Variants in MDGA2 observed in about 807,000 individuals in gnomAD.
MDGA2 encodes the protein MAM domain containing glycosylphosphatidylinositol anchor 2.
A neutral mutation model predicts 117.8 loss-of-function variants in MDGA2; 40 were observed. That is an observed-to-expected ratio of 0.34 (90% CI 0.26 to 0.44). The LOEUF is 0.44. MDGA2 is among the 20% of genes least tolerant of loss of function. The pLI, the probability that MDGA2 is intolerant of heterozygous loss-of-function variation, is 1.00. For synonymous variants in MDGA2, 452 were observed against 439.0 expected (o/e 1.03, Z -0.37); for missense variants, 1,123 against 1,250.6 (o/e 0.90, Z 1.54).
At chr14:47,631,289 T>C (rs1897245882) in intron 1 of MDGA2, among the ~76,000 whole-genome samples, 1 of 152,206 alleles carries the variant, frequency 6.6e-6, no homozygotes, top group African/African-American at 2.4e-5. Flanking sequence ...AGATGCTATG[T>C]AATGGACACT....
At position 47,035,314 on chromosome 14, in the gene MDGA2, G is replaced by A. The variant is rs757767640; in HGVS notation, c.1526-10C>T. 1.9e-6 allele frequency: 3 copies of A among 1,597,716 alleles called. No individual in the cohort carries two copies. On this transcript the variant is annotated splice_polypyrimidine_tract_variant and intron_variant, in intron 7 of 16. Coordinates refer to ENST00000399232, the MANE Select transcript of MDGA2 (RefSeq NM_001113498.3). Reference sequence around the variant, plus strand: ...GTCAGATTGGGTGGAACTTGAAATGGGAAAAAGAAAATTTTTCAAGGTTAG... The same window carrying A: ...GTCAGATTGGGTGGAACTTGAAATGAGAAAAAGAAAATTTTTCAAGGTTAG...
chr14:47,143,337 A>T (rs1324729304), intron 4 of MDGA2, among the ~76,000 whole-genome samples: 3 of 151,836 alleles, frequency 2.0e-5, no homozygotes, highest in Non-Finnish European at 4.4e-5. Context: ...ATTTGTCCAA[A>T]TTTTTTTTTA....
intron 8 of MDGA2, among the ~76,000 whole-genome samples, chr14:46,989,204 C>A (rs1886983685): frequency 6.6e-6 from 1 of 152,058 alleles, no homozygotes; most frequent in Middle Eastern, 3.4e-3. Flanking sequence ...TAGTTTTCCC[C>A]AATTCTGCTA....
chr14:46,936,729 C>A (rs1884794379), intron 9 of MDGA2, among the ~76,000 whole-genome samples: 1 of 150,908 alleles, frequency 6.6e-6, no homozygotes, highest in African/African-American at 2.4e-5. Context: ...AACATTCCTT[C>A]ATAAAAAAAA....
rs922090803 is a variant in MDGA2, at chr14:46,884,859, T to C, written c.2239-2638A>G. Among the ~76,000 whole-genome samples, 5 of 152,030 alleles carry C rather than the reference T, an allele frequency of 3.3e-5. No individual in the cohort carries two copies. The highest frequency in any genetic ancestry group is 4.4e-5 in the Non-Finnish European group (3 of 68,000). On this transcript the variant is annotated intron_variant, in intron 10 of 16. Coordinates refer to ENST00000399232, the MANE Select transcript of MDGA2 (RefSeq NM_001113498.3). The surrounding 1 kb of genome is among the most constrained non-coding windows in gnomAD (Gnocchi z 4.1). ...GTAATACATTACTTTCTTTTTTGTT[T>C]TTTTTCTGAGACAGTCTCGCTCTGT...
At chr14:47,087,417 T>C (rs1566616295) in intron 6 of MDGA2, among the ~76,000 whole-genome samples, 1 of 134,798 alleles carries the variant, frequency 7.4e-6, no homozygotes, top group Non-Finnish European at 1.5e-5. Context: ...CTCTGAAGGT[T>C]GAGGCATGAG....
At chr14:47,412,007 G>C (rs551462870) in intron 1 of MDGA2, among the ~76,000 whole-genome samples, 1 of 152,154 alleles carries the variant, frequency 6.6e-6, no homozygotes, top group Non-Finnish European at 1.5e-5. Flanking sequence ...TAAGAAGCCT[G>C]TCTAAAGTCT....
intron 9 of MDGA2, among the ~76,000 whole-genome samples, chr14:46,947,142 C>A (rs1885199183): frequency 6.6e-6 from 1 of 151,922 alleles, no homozygotes; most frequent in Non-Finnish European, 1.5e-5. Context: ...GTAAGATAAA[C>A]TTTTAGAATA....
intron 8 of MDGA2, among the ~76,000 whole-genome samples, chr14:47,013,969 G>A (rs962417080): frequency 1.3e-5 from 2 of 150,814 alleles, no homozygotes; most frequent in African/African-American, 4.9e-5. Flanking sequence ...CTAATTTTGT[G>A]TTTTTAGTAT....
chr14:47,192,501 G>C (rs1885152495), intron 3 of MDGA2, among the ~76,000 whole-genome samples: 1 of 151,986 alleles, frequency 6.6e-6, no homozygotes, highest in Non-Finnish European at 1.5e-5. Context: ...TGTAGTCCCA[G>C]CTACTTGGGA....
At chr14:47,565,307 T>C (rs1352843891) in intron 1 of MDGA2, among the ~76,000 whole-genome samples, 1 of 152,222 alleles carries the variant, frequency 6.6e-6, no homozygotes, top group Non-Finnish European at 1.5e-5. Flanking sequence ...TTTTGTTTTG[T>C]TTGCTTTTCT....
At chr14:46,965,974 AAT>A (rs1886013034) in intron 8 of MDGA2, among the ~76,000 whole-genome samples, 1 of 149,796 alleles carries the variant, frequency 6.7e-6, no homozygotes, top group Non-Finnish European at 1.5e-5. Context: ...GTTCAATTAA[AAT>A]ATATGACTCT....
intron 2 of MDGA2, among the ~76,000 whole-genome samples, chr14:47,283,884 C>T (rs1888584004): frequency 6.6e-6 from 1 of 151,960 alleles, no homozygotes; most frequent in Non-Finnish European, 1.5e-5. Context: ...AAAATCTGAA[C>T]AAGTCAAGTA....
intron 1 of MDGA2, among the ~76,000 whole-genome samples, chr14:47,474,389 G>C (rs1441979468): frequency 6.6e-6 from 1 of 151,962 alleles, no homozygotes; most frequent in Non-Finnish European, 1.5e-5. Context: ...TCAATATCAT[G>C]AAAATGGCCA....
intron 8 of MDGA2, among the ~76,000 whole-genome samples, chr14:46,964,420 G>A (rs1234334492): frequency 1.3e-5 from 2 of 152,176 alleles, no homozygotes; most frequent in East Asian, 3.8e-4. Context: ...TATGAGTGGA[G>A]TCAAAAGGAC....
chr14:47,628,053 G>A (rs560471963), intron 1 of MDGA2, among the ~76,000 whole-genome samples: 1 of 152,142 alleles, frequency 6.6e-6, no homozygotes, highest in African/African-American at 2.4e-5. Context: ...CCATAGTTTT[G>A]GGGTTTTGGT....
intron 5 of MDGA2, among the ~76,000 whole-genome samples, chr14:47,112,049 T>A (rs956488443): frequency 6.6e-6 from 1 of 151,786 alleles, no homozygotes; most frequent in Non-Finnish European, 1.5e-5. Context: ...ACCTGTAATA[T>A]GAACAACAAA....
intron 3 of MDGA2, among the ~76,000 whole-genome samples, chr14:47,153,144 C>A (rs1354217198): frequency 2.0e-5 from 3 of 152,156 alleles, no homozygotes; most frequent in African/African-American, 7.2e-5. Flanking sequence ...ACTTTTTTAG[C>A]CAGGCTTTCG....
chr14:47,563,309 A>G (rs1248061461), intron 1 of MDGA2, among the ~76,000 whole-genome samples: 1 of 151,998 alleles, frequency 6.6e-6, no homozygotes, highest in Non-Finnish European at 1.5e-5. Context: ...TTCTGCCTCA[A>G]TGATCTGTAA....
Sources: gnomAD v4.1 joint callset for allele counts (sites outside exome capture counted in the v4.1 genomes callset) on GRCh38, gnomAD v4.1.1 for gene constraint, Gnocchi (gnomAD v3.1) non-coding constraint, MANE v1.5 for transcripts, NCBI Gene and HGNC (gene_info 2026-07-23, HGNC 2026-07-21) for gene names.